The following GPD1L variants were observed in gnomAD, a reference collection of about 807,000 sequenced individuals.
GPD1L encodes glycerol-3-phosphate dehydrogenase 1-like protein.
GPD1L carries 17 observed loss-of-function variants against 32.9 expected under a neutral mutation model. The ratio of observed to expected loss-of-function variants is 0.52; its 90% CI spans 0.35 to 0.78. The LOEUF (loss-of-function observed/expected upper bound fraction) is 0.78, where lower values mean the gene tolerates loss of function less well. Ranked by LOEUF, GPD1L falls within the 30% of genes least tolerant of loss-of-function variation. GPD1L has a pLI of 0.01. For synonymous variants in GPD1L, 187 were observed against 165.9 expected, an observed-to-expected ratio of 1.13 and a Z score of -0.98; for missense variants, 361 against 447.8, an observed-to-expected ratio of 0.81 and a Z score of 1.75.
Position 32,159,548 on chromosome 3 carries a change from T to C in GPD1L, c.853-20T>C, listed in dbSNP as rs765782848. The C allele has an allele frequency of 7.4e-7, 1 of 1,351,864 alleles. No homozygotes were observed. The highest frequency in any genetic ancestry group is 2.3e-5 in the East Asian group (1 of 43,654). 83.7% of individuals were successfully genotyped at this position (1,351,864 alleles called of 1,614,324 possible). ...GTCTTTACCATAGTTTTTTTAAATATATAATCCTTTGTTTTTAAGACCATT... is the reference window on the plus strand; with the variant it reads ...GTCTTTACCATAGTTTTTTTAAATACATAATCCTTTGTTTTTAAGACCATT... On this transcript the variant is annotated intron_variant, in intron 6 of 7. Transcript: ENST00000282541.
At chr3:32,125,043 T>C (rs1700487249) in intron 1 of GPD1L, among the ~76,000 whole-genome samples, 1 of 152,096 alleles carries the variant, frequency 6.6e-6, no homozygotes, top group Non-Finnish European at 1.5e-5. Context: ...AAAAAATTAC[T>C]GTATAAATTA....
Position 32,106,888 on chromosome 3 carries a change from C to T in GPD1L, c.47+130C>T, listed in dbSNP as rs1418332171. ...CGCGCAGGGAGGCGGGGTGGGCGACCTCGTTGCTGGGCTGGGCACCGTGCG... is the reference window on the plus strand; with the variant it reads ...CGCGCAGGGAGGCGGGGTGGGCGACTTCGTTGCTGGGCTGGGCACCGTGCG... On this transcript the variant is annotated intron_variant, in intron 1 of 7. Coordinates refer to ENST00000282541, the MANE Select transcript of GPD1L (RefSeq NM_015141.4). The surrounding 1 kb of genome is among the most constrained non-coding windows in gnomAD (Gnocchi z 4.0). 2 of 840,984 alleles carry T rather than the reference C, an allele frequency of 2.4e-6. No homozygotes were observed. The highest frequency in any genetic ancestry group is 6.8e-5 in the East Asian group (2 of 29,628). 52.1% of individuals were successfully genotyped at this position (840,984 alleles called of 1,614,324 possible). A position where few individuals can be genotyped will look rare whatever the true frequency, so the allele number is the denominator to read the frequency against.
At chr3:32,133,101 A>G (rs79880703) in intron 2 of GPD1L, among the ~76,000 whole-genome samples, 2,958 of 152,280 alleles carry the variant, frequency 0.019, 99 homozygotes, top group African/African-American at 0.068. Context: ...CATCCCCCAG[A>G]TAATGTAGGT....
rs749569108 is a variant in GPD1L, at chr3:32,106,675, G to A, written c.-37G>A. 2 of 1,512,540 alleles carry A rather than the reference G, an allele frequency of 1.3e-6. No individual in the cohort carries two copies. The highest frequency in any genetic ancestry group is 2.6e-5 in the South Asian group (2 of 78,050). 93.7% of individuals were successfully genotyped at this position (1,512,540 alleles called of 1,614,324 possible). Reference sequence around the variant, plus strand: ...ACAGGCGGAGGTGGGCAGCCGGCCAGGGAAGCACGGTCCAGGCGGCTACAT... The same window carrying A: ...ACAGGCGGAGGTGGGCAGCCGGCCAAGGAAGCACGGTCCAGGCGGCTACAT... On this transcript the variant is annotated 5_prime_UTR_variant, in exon 1 of 8. Coordinates refer to ENST00000282541, the MANE Select transcript of GPD1L (RefSeq NM_015141.4). The surrounding 1 kb of genome is among the most constrained non-coding windows in gnomAD (Gnocchi z 4.0).
At chr3:32,159,483 A>T (rs1009168479) in intron 6 of GPD1L, 85 bp from the exon 7 acceptor site, 2 of 954,306 alleles carry the variant, frequency 2.1e-6, no homozygotes, top group Admixed American at 2.4e-5. Context: ...AAAAAAAAGA[A>T]AAAAAACACT....
chr3:32,146,645 C>CT lies in GPD1L; in HGVS notation c.531dup (p.Leu178SerfsTer17). 1 of 1,611,668 alleles carries CT rather than the reference C, an allele frequency of 6.2e-7. No individual in the cohort carries two copies. The highest frequency in any genetic ancestry group is 8.5e-7 in the Non-Finnish European group (1 of 1,177,836). On this transcript the variant is annotated frameshift_variant, in exon 5 of 8. Coordinates refer to ENST00000282541, the MANE Select transcript of GPD1L (RefSeq NM_015141.4). LOFTEE classifies it high-confidence loss of function. ...AGGCAGCAAAGTAATGGAGAACGGC[C>CT]TTCTCTTCAAAGAACTTCTGCAGAC...
Position 32,106,835 on chromosome 3 carries a change from C to A in GPD1L, c.47+77C>A. ...CCCGGGCGGTGAGGGCTGCGCGCCC[C>A]ATGCTGCGGCGTGGGCACCGGGCAC... On this transcript the variant is annotated intron_variant, in intron 1 of 7. Transcript: ENST00000282541. The surrounding 1 kb of genome is among the most constrained non-coding windows in gnomAD (Gnocchi z 4.0). The A allele has an allele frequency of 7.3e-7, 1 of 1,367,852 alleles. No individual in the cohort carries two copies. Among genetic ancestry groups the A allele is most frequent in the Non-Finnish European group, 9.7e-7 (1 of 1,025,704 alleles). The allele number at this position is 1,367,852 out of a possible 1,614,324, so 84.7% of individuals were successfully genotyped here. A position where few individuals can be genotyped will look rare whatever the true frequency, so the allele number is the denominator to read the frequency against.
chr3:32,134,682 C>T (rs911308544), intron 2 of GPD1L, among the ~76,000 whole-genome samples: 2 of 151,968 alleles, frequency 1.3e-5, no homozygotes, highest in Admixed American at 6.6e-5. Flanking sequence ...AAGATGAAGT[C>T]GCACTGTGTT....
intron 1 of GPD1L, among the ~76,000 whole-genome samples, chr3:32,107,667 A>G (rs796101307): frequency 2.4e-4 from 36 of 152,284 alleles, no homozygotes; most frequent in African/African-American, 8.4e-4. Flanking sequence ...GTGGCGTGAC[A>G]GGCATCAGAA....
intron 5 of GPD1L, among the ~76,000 whole-genome samples, chr3:32,156,138 C>T (rs1295932056): frequency 6.6e-6 from 1 of 152,192 alleles, no homozygotes; most frequent in Non-Finnish European, 1.5e-5. Context: ...CTCCAGGCTC[C>T]TTTCACACGG....
Position 32,115,758 on chromosome 3 carries a change from C to CTTTTTTTTTTTTTTTTTTTTTTT in GPD1L, c.47+9026_47+9048dup, listed in dbSNP as rs539068850. Among the ~76,000 whole-genome samples the CTTTTTTTTTTTTTTTTTTTTTTT allele has an allele frequency of 4.9e-4, 22 of 45,086 alleles. 10 individuals are homozygous for CTTTTTTTTTTTTTTTTTTTTTTT. Among genetic ancestry groups the CTTTTTTTTTTTTTTTTTTTTTTT allele is most frequent in the Non-Finnish European group, 9.7e-4 (20 of 20,538 alleles). The allele number at this position is 45,086 out of a possible 152,430, so 29.6% of individuals were successfully genotyped here. The stretch of plus-strand genomic sequence containing the variant: ...CTAAACCCTTTTCGTGTACGTTGAA[C>CTTTTTTTTTTTTTTTTTTTTTTT]TTTTTTTTTTTTTTTTTTTTTTTTT... On this transcript the variant is annotated intron_variant, in intron 1 of 7. Transcript: ENST00000282541.
At chr3:32,120,980 T>C (rs945842556) in intron 1 of GPD1L, among the ~76,000 whole-genome samples, 1 of 152,074 alleles carries the variant, frequency 6.6e-6, no homozygotes, top group African/African-American at 2.4e-5. Flanking sequence ...TAGGACCTCC[T>C]GCAGGCGGGT....
At position 32,110,104 on chromosome 3, in the gene GPD1L, G is replaced by A. The variant is rs1268250913; in HGVS notation, c.47+3346G>A. ...AGCTAATTTTTTGTGTTTTTTAGTA[G>A]AGACGAGGTTTCACTGTGTTAGCTA... On this transcript the variant is annotated intron_variant, in intron 1 of 7. Transcript: ENST00000282541. 2.6e-5 allele frequency among the ~76,000 whole-genome samples: 4 copies of A among 152,316 alleles called. No homozygotes were observed. In the East Asian group the frequency reaches 5.8e-4, roughly 22 times the overall value.
At chr3:32,152,633 C>A (rs1461458617) in intron 5 of GPD1L, among the ~76,000 whole-genome samples, 1 of 152,156 alleles carries the variant, frequency 6.6e-6, no homozygotes, top group Non-Finnish European at 1.5e-5. Context: ...GCAGAACACG[C>A]ATGACCAAAA....
chr3:32,152,254 T>C (rs1417478194), intron 5 of GPD1L, among the ~76,000 whole-genome samples: 1 of 152,216 alleles, frequency 6.6e-6, no homozygotes, highest in African/African-American at 2.4e-5. Flanking sequence ...TAGACGTTTC[T>C]TTCTTTCTTA....
In GPD1L at chr3:32,166,144, G is replaced by T; in HGVS notation, c.*234G>T. The stretch of plus-strand genomic sequence containing the variant: ...AATGGTGGTTTATTCCTCATTCTGT[G>T]GATGTTTCTATGAGCCAAAATTTGA... On this transcript the variant is annotated 3_prime_UTR_variant, in exon 8 of 8. Transcript: ENST00000282541. The T allele has an allele frequency of 1.8e-6, 1 of 555,002 alleles. No individual in the cohort carries two copies. The highest frequency in any genetic ancestry group is 3.2e-6 in the Non-Finnish European group (1 of 309,928). 34.4% of individuals were successfully genotyped at this position (555,002 alleles called of 1,614,324 possible). A position where few individuals can be genotyped will look rare whatever the true frequency, so the allele number is the denominator to read the frequency against.
chr3:32,167,116 T>C lies in GPD1L; in HGVS notation c.*1206T>C, dbSNP rs1208787493. The C allele has an allele frequency of 1.3e-5, 2 of 152,198 alleles. No homozygotes were observed. The highest frequency in any genetic ancestry group is 2.9e-5 in the Non-Finnish European group (2 of 68,034). 9.4% of individuals were successfully genotyped at this position (152,198 alleles called of 1,614,324 possible). On this transcript the variant is annotated 3_prime_UTR_variant, in exon 8 of 8. Transcript: ENST00000282541. ...ATGTGAACCACTACTTTAGAAAATC[T>C]GCTTTAACTTGGTATTCCTCTAATT...
At chr3:32,123,930 G>C (rs972207249) in intron 1 of GPD1L, among the ~76,000 whole-genome samples, 16 of 152,142 alleles carry the variant, frequency 1.1e-4, no homozygotes, top group Non-Finnish European at 2.2e-4. Context: ...TGTGGCCGCA[G>C]GTCCCCAACT....
intron 1 of GPD1L, among the ~76,000 whole-genome samples, chr3:32,109,881 T>G (rs1439944180): frequency 6.6e-6 from 1 of 152,250 alleles, no homozygotes; most frequent in Non-Finnish European, 1.5e-5. Context: ...GAGTAACTGC[T>G]CTGTTACACT....
Sources: allele counts gnomAD v4.1 joint callset (sites outside exome capture counted in the v4.1 genomes callset), GRCh38; gene constraint gnomAD v4.1.1; non-coding constraint Gnocchi (gnomAD v3.1); transcripts MANE v1.5; gene names NCBI Gene and HGNC (gene_info 2026-07-23, HGNC 2026-07-21).